The following PCDHGA4 variants were observed in gnomAD, a reference collection of about 807,000 sequenced individuals.
The protein encoded by PCDHGA4 is protocadherin gamma-A4.
In PCDHGA4, 38 loss-of-function variants were observed where a neutral mutation model predicts 54.6. That is an observed-to-expected ratio of 0.70 (90% CI 0.54 to 0.91). The LOEUF (loss-of-function observed/expected upper bound fraction) is 0.91, where lower values mean the gene tolerates loss of function less well. Ranked by LOEUF, PCDHGA4 falls within the 40% of genes least tolerant of loss-of-function variation. The pLI is 0.00. For synonymous variants in PCDHGA4, 511 were observed against 512.9 expected, an observed-to-expected ratio of 1.00 and a Z score of 0.05; for missense variants, 1,298 against 1,220.9, an observed-to-expected ratio of 1.06 and a Z score of -0.94.
chr5:141,364,822 GA>G (rs1385950726), intron 1 of PCDHGA4: 1 of 1,614,010 alleles, frequency 6.2e-7, no homozygotes, highest in Admixed American at 1.7e-5. Context: ...ATGTGGGTGT[GA>G]ACTCTCTCCG....
intron 1 of PCDHGA4, chr5:141,392,836 C>T: frequency 6.2e-7 from 1 of 1,608,040 alleles, no homozygotes; most frequent in Non-Finnish European, 8.5e-7. Context: ...CAGAGTCGCC[C>T]CAGACGCGGC....
At chr5:141,413,075 A>G (rs1013709122) in intron 1 of PCDHGA4, 4 of 1,246,610 alleles carry the variant, frequency 3.2e-6, no homozygotes, top group South Asian at 3.1e-5. Context: ...TAAAGTGCCC[A>G]GGCTACAGAG....
In PCDHGA4 at chr5:141,476,702, C is replaced by A. The variant is rs751321222; in HGVS notation, c.2515-18105C>A. 1.4e-5 allele frequency: 23 copies of A among 1,614,104 alleles called. No individual in the cohort carries two copies. Among genetic ancestry groups the A allele is most frequent in the Non-Finnish European group, 1.7e-5 (20 of 1,180,050 alleles). ...GGAGGACAGCACCAAGTACGCGGAG[C>A]TGGTGTTGGAGCGCGCCCTGGACCG... is the stretch of plus-strand genomic sequence containing the variant. On this transcript the variant is annotated intron_variant, in intron 1 of 3. Coordinates refer to ENST00000571252, the MANE Select transcript of PCDHGA4 (RefSeq NM_018917.4). The surrounding 1 kb of genome is among the most constrained non-coding windows in gnomAD (Gnocchi z 7.6).
intron 1 of PCDHGA4, chr5:141,372,223 A>G: frequency 6.2e-7 from 1 of 1,613,464 alleles, no homozygotes; most frequent in Non-Finnish European, 8.5e-7. Context: ...CACATTGTGC[A>G]GGCCAGCGAG....
intron 1 of PCDHGA4, chr5:141,418,947 G>T (rs534744990): frequency 6.2e-7 from 1 of 1,614,022 alleles, no homozygotes; most frequent in African/African-American, 1.3e-5. Context: ...TCCCCTCCAG[G>T]AGTGGTTGTT....
intron 1 of PCDHGA4, chr5:141,365,549 A>G (rs1763986564): frequency 2.5e-6 from 4 of 1,613,678 alleles, no homozygotes; most frequent in Non-Finnish European, 3.4e-6. Flanking sequence ...CCTATTAACA[A>G]CTAGGGACCT....
chr5:141,477,671 G>A lies in PCDHGA4; in HGVS notation c.2515-17136G>A, dbSNP rs1022028453. The A allele has an allele frequency of 1.2e-6, 2 of 1,614,198 alleles. No individual in the cohort carries two copies. Among genetic ancestry groups the A allele is most frequent in the Non-Finnish European group, 1.7e-6 (2 of 1,180,048 alleles). Reference sequence around the variant, plus strand: ...CACAATAAATCGTGACAATGGCATAGTGTCATCCTTAGTGCCCCTAGACTA... The same window carrying A: ...CACAATAAATCGTGACAATGGCATAATGTCATCCTTAGTGCCCCTAGACTA... On this transcript the variant is annotated intron_variant, in intron 1 of 3. Coordinates refer to ENST00000571252, the MANE Select transcript of PCDHGA4 (RefSeq NM_018917.4). This position sits in a 1 kb window ranked among gnomAD's most constrained non-coding sequence, Gnocchi z 4.9.
Position 141,486,775 on chromosome 5 carries a change from G to A in PCDHGA4, c.2515-8032G>A, listed in dbSNP as rs2099634725. On this transcript the variant is annotated intron_variant, in intron 1 of 3. Coordinates refer to ENST00000571252, the MANE Select transcript of PCDHGA4 (RefSeq NM_018917.4). This position sits in a 1 kb window ranked among gnomAD's most constrained non-coding sequence, Gnocchi z 5.0. ...AGCAAACCCAGACACTGCAGTTTGA[G>A]GTGCAGGCCCGGGATCGGGGCAACC... 7 of 1,614,122 alleles carry A rather than the reference G, an allele frequency of 4.3e-6. No individual in the cohort carries two copies. Among genetic ancestry groups the A allele is most frequent in the Non-Finnish European group, 5.9e-6 (7 of 1,180,060 alleles).
rs2092149511 is a variant in PCDHGA4 at position 141,390,449 on chromosome 5, G to A, written c.2514+32828G>A. The A allele has an allele frequency of 4.8e-6, 4 of 829,790 alleles. No individual in the cohort carries two copies. In the Admixed American group the frequency reaches 8.7e-5, roughly 18 times the overall value. 51.4% of individuals were successfully genotyped at this position (829,790 alleles called of 1,614,324 possible). ...TGTCATATCATTCTACAAAGGAGGAGTAAAGTAGGAGCAATTGTGTGGCCC... is the reference window on the plus strand; with the variant it reads ...TGTCATATCATTCTACAAAGGAGGAATAAAGTAGGAGCAATTGTGTGGCCC... On this transcript the variant is annotated intron_variant, in intron 1 of 3. Coordinates refer to ENST00000571252, the MANE Select transcript of PCDHGA4 (RefSeq NM_018917.4).
chr5:141,381,758 A>C (rs1777407424), intron 1 of PCDHGA4, among the ~76,000 whole-genome samples: 1 of 151,374 alleles, frequency 6.6e-6, no homozygotes. Context: ...TTGTTCTACT[A>C]CTATATAATC....
intron 1 of PCDHGA4, chr5:141,404,208 A>G (rs1411239715): frequency 6.2e-7 from 1 of 1,613,782 alleles, no homozygotes; most frequent in Admixed American, 1.7e-5. Flanking sequence ...TCAGAATATA[A>G]TATCACGGTG....
At chr5:141,358,195 A>T (rs559791322) in intron 1 of PCDHGA4, among the ~76,000 whole-genome samples, 1 of 152,316 alleles carries the variant, frequency 6.6e-6, no homozygotes, top group East Asian at 1.9e-4. Context: ...GTCTCCAAAA[A>T]GTAAAATAAA....
intron 1 of PCDHGA4, among the ~76,000 whole-genome samples, chr5:141,453,996 C>T (rs2098779349): frequency 6.6e-6 from 1 of 152,128 alleles, no homozygotes; most frequent in Admixed American, 6.6e-5. Context: ...GTGATAAACC[C>T]ACATAACATT....
intron 1 of PCDHGA4, chr5:141,418,849 G>T (rs1479117344): frequency 1.5e-5 from 25 of 1,613,886 alleles, no homozygotes; most frequent in Non-Finnish European, 1.8e-5. Context: ...TCTCAACACG[G>T]TGTAAAGTAA....
At chr5:141,366,306 C>T (rs762823069) in intron 1 of PCDHGA4, 63 of 1,613,658 alleles carry the variant, frequency 3.9e-5, no homozygotes, top group Non-Finnish European at 4.7e-5. Context: ...GCCACCTTCA[C>T]GGTCACCGTT....
intron 1 of PCDHGA4, among the ~76,000 whole-genome samples, chr5:141,464,264 AAAAAAAAAAAAAAGC>A (rs974197911): frequency 4.0e-4 from 52 of 130,598 alleles, no homozygotes; most frequent in Non-Finnish European, 6.3e-4. Context: ...GACTCCGTCT[AAAAAAAAAAAAAAGC>A]AAAAAAAAAA....
Position 141,490,046 on chromosome 5 carries a change from C to A in PCDHGA4, c.2515-4761C>A, listed in dbSNP as rs2099695274. ...CTGCTCCGCCTCAATGCCACTGATC[C>A]AGACGAGGGCACCAACGGCCAACTA... On this transcript the variant is annotated intron_variant, in intron 1 of 3. Transcript: ENST00000571252. This position sits in a 1 kb window ranked among gnomAD's most constrained non-coding sequence, Gnocchi z 5.4. 1 of 1,614,094 alleles carries A rather than the reference C, an allele frequency of 6.2e-7. No individual in the cohort carries two copies.
Position 141,389,845 on chromosome 5 carries a change from C to A in PCDHGA4, c.2514+32224C>A, listed in dbSNP as rs572208776. 5.0e-5 allele frequency: 80 copies of A among 1,614,054 alleles called. No homozygotes were observed. In the Admixed American group the frequency reaches 1.3e-3, roughly 27 times the overall value. On this transcript the variant is annotated intron_variant, in intron 1 of 3. Transcript: ENST00000571252. ...GACGGTGGACAGCCACCACTCTCGG[C>A]CACTGCCACGTTGCACCTGGTCTTC...
At chr5:141,466,019 G>C (rs1466918487) in intron 1 of PCDHGA4, among the ~76,000 whole-genome samples, 1 of 152,062 alleles carries the variant, frequency 6.6e-6, no homozygotes, top group African/African-American at 2.4e-5. Flanking sequence ...CTACTCGGGA[G>C]GGTGAGGCAG....
Sources: allele counts gnomAD v4.1 joint callset (sites outside exome capture counted in the v4.1 genomes callset), GRCh38; gene constraint gnomAD v4.1.1; non-coding constraint Gnocchi (gnomAD v3.1); transcripts MANE v1.5; gene names NCBI Gene and HGNC (gene_info 2026-07-23, HGNC 2026-07-21).